LCT: variants seen among roughly 807,000 people sequenced by gnomAD.
The protein encoded by LCT is lactase/phlorizin hydrolase.
Under a neutral mutation model 173.0 loss-of-function variants are expected in LCT, and 90 were observed. The observed-to-expected ratio is 0.52, with a 90% confidence interval of 0.44 to 0.62. The LOEUF (loss-of-function observed/expected upper bound fraction) is 0.62. Among genes scored for constraint, LCT ranks in the 20% least tolerant of loss-of-function variants. LCT has a pLI of 0.00. For synonymous variants in LCT, 853 were observed against 957.6 expected, an observed-to-expected ratio of 0.89 and a Z score of 2.02; for missense variants, 1,864 against 2,431.4, an observed-to-expected ratio of 0.77 and a Z score of 4.91.
At chr2:135,807,088 G>C in intron 9 of LCT, 40 bp downstream of exon 9, 1 of 1,609,110 alleles carries the variant, frequency 6.2e-7, no homozygotes, top group South Asian at 1.1e-5. Flanking sequence ...CACAGGGCAG[G>C]TGTGCAGTCA....
In LCT at chr2:135,833,151, G is replaced by C; in HGVS notation, c.680C>G (p.Pro227Arg). 1 of 1,614,016 alleles carries C rather than the reference G, an allele frequency of 6.2e-7. No individual in the cohort carries two copies. The highest frequency in any genetic ancestry group is 8.5e-7 in the Non-Finnish European group (1 of 1,179,996). ...TATGGGTGGTTCTAGCAGGAGCTCC[G>C]GGATATCTTCAGCTCGCAGGACAAC... ...LSVVLRAEDI[P>R]ELLLEPPISA... Residue 227 changes from proline to arginine, a missense_variant, in exon 2 of 17, where the codon CCG (proline) becomes CGG (arginine). Pro to Arg is a moderately radical substitution (Grantham distance 103, BLOSUM62 -2). Transcript: ENST00000264162.
In LCT at chr2:135,790,449, C is replaced by A. The variant is rs540893034; in HGVS notation, c.5335+209G>T. ...GCCAGGAACTAGGGTTTGGTGGCATCAGGCCACTGGGCTTGCTTGCTGAGC... is the reference window on the plus strand; with the variant it reads ...GCCAGGAACTAGGGTTTGGTGGCATAAGGCCACTGGGCTTGCTTGCTGAGC... On this transcript the variant is annotated intron_variant, in intron 15 of 16. Coordinates refer to ENST00000264162, the MANE Select transcript of LCT (RefSeq NM_002299.4). This position sits in a 1 kb window ranked among gnomAD's most constrained non-coding sequence, Gnocchi z 4.1. Among the ~76,000 whole-genome samples the A allele has an allele frequency of 1.4e-4, 21 of 152,318 alleles. No individual in the cohort carries two copies. The highest frequency in any genetic ancestry group is 4.3e-4 in the African/African-American group (18 of 41,576).
intron 6 of LCT, among the ~76,000 whole-genome samples, chr2:135,814,637 C>T (rs1290587965): frequency 3.3e-5 from 5 of 151,942 alleles, no homozygotes; most frequent in Non-Finnish European, 7.4e-5. Flanking sequence ...CTGCCTCATC[C>T]TCCAGAGTAG....
In LCT at chr2:135,790,994, T is replaced by C. The variant is rs2077529933; in HGVS notation, c.5112-113A>G. ...GAAAAGCCTTAGGTTTTGTCTAGCC[T>C]TAAGAATCATACTAAACCCAGAAGA... On this transcript the variant is annotated intron_variant, in intron 14 of 16. Coordinates refer to ENST00000264162, the MANE Select transcript of LCT (RefSeq NM_002299.4). The surrounding 1 kb of genome is among the most constrained non-coding windows in gnomAD (Gnocchi z 4.1). 2 of 806,532 alleles carry C rather than the reference T, an allele frequency of 2.5e-6. No individual in the cohort carries two copies. Among genetic ancestry groups the C allele is most frequent in the East Asian group, 5.2e-5 (2 of 38,294 alleles). The allele number at this position is 806,532 out of a possible 1,614,324, so 50.0% of individuals were successfully genotyped here. A position where few individuals can be genotyped will look rare whatever the true frequency, so the allele number is the denominator to read the frequency against.
At chr2:135,813,952 A>T (rs1485570511) in intron 6 of LCT, among the ~76,000 whole-genome samples, 1 of 152,204 alleles carries the variant, frequency 6.6e-6, no homozygotes, top group African/African-American at 2.4e-5. Context: ...ACAAGCCTAG[A>T]TTTAAATCTT....
At chr2:135,816,597 C>T (rs1040767433) in intron 6 of LCT, among the ~76,000 whole-genome samples, 3 of 152,188 alleles carry the variant, frequency 2.0e-5, no homozygotes, top group Non-Finnish European at 4.4e-5. Context: ...GAAGAATTTT[C>T]AACCTCCTGA....
At chr2:135,833,072 T>C in intron 2 of LCT, 39 bp downstream of exon 2, 2 of 1,442,250 alleles carry the variant, frequency 1.4e-6, no homozygotes, top group Non-Finnish European at 2.0e-6. Context: ...AATCAAACTC[T>C]CCTCAGATGT....
In LCT at chr2:135,789,932, C is replaced by G. The variant is rs2077520925; in HGVS notation, c.5336-134G>C. The G allele has an allele frequency of 2.2e-5, 17 of 759,888 alleles. No individual in the cohort carries two copies. In the South Asian group the frequency reaches 2.4e-4, roughly 11 times the overall value. 47.1% of individuals were successfully genotyped at this position (759,888 alleles called of 1,614,324 possible). On this transcript the variant is annotated intron_variant, in intron 15 of 16. Coordinates refer to ENST00000264162, the MANE Select transcript of LCT (RefSeq NM_002299.4). Reference sequence around the variant, plus strand: ...ATGGCGGTAAGCTTTGGCTTTAGCTCTGTGAGAAAGCTGCCCCTTTCTTTG... The same window carrying G: ...ATGGCGGTAAGCTTTGGCTTTAGCTGTGTGAGAAAGCTGCCCCTTTCTTTG...
At chr2:135,800,448 C>A (rs1183455294) in intron 12 of LCT, among the ~76,000 whole-genome samples, 159 bp downstream of exon 12, 1 of 152,164 alleles carries the variant, frequency 6.6e-6, no homozygotes, top group Non-Finnish European at 1.5e-5. Flanking sequence ...TAGTCTCAAA[C>A]TCCTAGCCTC....
In LCT at chr2:135,790,450, A is replaced by G. The variant is rs1031389783; in HGVS notation, c.5335+208T>C. On this transcript the variant is annotated intron_variant, in intron 15 of 16. Coordinates refer to ENST00000264162, the MANE Select transcript of LCT (RefSeq NM_002299.4). This position sits in a 1 kb window ranked among gnomAD's most constrained non-coding sequence, Gnocchi z 4.1. ...CCAGGAACTAGGGTTTGGTGGCATC[A>G]GGCCACTGGGCTTGCTTGCTGAGCT... Among the ~76,000 whole-genome samples, 2 of 152,216 alleles carry G rather than the reference A, an allele frequency of 1.3e-5. No individual in the cohort carries two copies. Among genetic ancestry groups the G allele is most frequent in the African/African-American group, 4.8e-5 (2 of 41,456 alleles).
intron 6 of LCT, among the ~76,000 whole-genome samples, chr2:135,815,306 G>A (rs2077769931): frequency 6.6e-6 from 1 of 152,164 alleles, no homozygotes; most frequent in South Asian, 2.1e-4. Context: ...CAAAGTCTCT[G>A]TAAAGATATC....
At chr2:135,831,835 G>A (rs997117631) in intron 2 of LCT, among the ~76,000 whole-genome samples, 5 of 152,192 alleles carry the variant, frequency 3.3e-5, no homozygotes, top group Non-Finnish European at 5.9e-5. Flanking sequence ...GGAGACCGGC[G>A]GTGGTTCCCA....
At chr2:135,825,794 G>T (rs546172564) in intron 3 of LCT, among the ~76,000 whole-genome samples, 1 of 152,312 alleles carries the variant, frequency 6.6e-6, no homozygotes, top group South Asian at 2.1e-4. Context: ...GCAGGTGCCT[G>T]CTCCTCCCTG....
Position 135,790,008 on chromosome 2 carries a change from A to G in LCT, c.5336-210T>C, listed in dbSNP as rs1439364666. ...CTGTGGATGGAGATGTAGAGCCACC[A>G]GCATCTTTAGAAAGGCTCAGCCCTG... On this transcript the variant is annotated intron_variant, in intron 15 of 16. Coordinates refer to ENST00000264162, the MANE Select transcript of LCT (RefSeq NM_002299.4). This position sits in a 1 kb window ranked among gnomAD's most constrained non-coding sequence, Gnocchi z 4.1. 6.6e-6 allele frequency among the ~76,000 whole-genome samples: 1 copy of G among 152,232 alleles called. No individual in the cohort carries two copies. The highest frequency in any genetic ancestry group is 1.5e-5 in the Non-Finnish European group (1 of 68,036).
At chr2:135,821,776 CA>C (rs1390442465) in intron 5 of LCT, 1 of 515,894 alleles carries the variant, frequency 1.9e-6, no homozygotes, top group East Asian at 3.5e-5. Flanking sequence ...AGGTGTGAGC[CA>C]TCATGCTAGT....
chr2:135,803,343 G>GA lies in LCT; in HGVS notation c.4663+586dup, dbSNP rs202239965. Among the ~76,000 whole-genome samples the GA allele has an allele frequency of 1.2e-3, 185 of 151,962 alleles. 7 individuals carry two copies. The East Asian group carries it at 0.034, about 28-fold the overall frequency. On this transcript the variant is annotated intron_variant, in intron 11 of 16. Transcript: ENST00000264162. ...TATTGCATGTCAACCAAAGTTAAAA[G>GA]AAAAAAAATCTTTTAGGGTCAGATG...
chr2:135,814,086 G>A (rs1266669949), intron 6 of LCT, among the ~76,000 whole-genome samples: 4 of 152,222 alleles, frequency 2.6e-5, no homozygotes, highest in Non-Finnish European at 1.5e-5. Flanking sequence ...AAAGCATTGA[G>A]CAGAAACTCA....
chr2:135,805,714 A>T (rs79954860), intron 9 of LCT, among the ~76,000 whole-genome samples: 10,027 of 152,236 alleles, frequency 0.066, 459 homozygotes, highest in Middle Eastern at 0.22. Context: ...TGTTTTGGTC[A>T]ATGACGGACC....
At chr2:135,807,426 A>C (rs941202676) in intron 8 of LCT, 30 bp from the exon 9 acceptor site, 20 of 1,612,492 alleles carry the variant, frequency 1.2e-5, no homozygotes, top group Non-Finnish European at 1.6e-5. Flanking sequence ...AGCAGAGGAG[A>C]GCTTGACACC....
Sources: gnomAD v4.1 joint callset for allele counts (sites outside exome capture counted in the v4.1 genomes callset) on GRCh38, gnomAD v4.1.1 for gene constraint, Gnocchi (gnomAD v3.1) non-coding constraint, MANE v1.5 for transcripts, NCBI Gene and HGNC (gene_info 2026-07-23, HGNC 2026-07-21) for gene names.